PDZD2: variants seen among roughly 807,000 people sequenced by gnomAD.
The protein encoded by PDZD2 is PDZ domain-containing protein 2.
A neutral mutation model predicts 220.7 loss-of-function variants in PDZD2; 90 were observed. That is an observed-to-expected ratio of 0.41 (90% confidence interval 0.34 to 0.49). The LOEUF (loss-of-function observed/expected upper bound fraction) is 0.49. PDZD2 is among the 20% of genes least tolerant of loss of function. PDZD2 has a pLI of 0.28. For synonymous variants in PDZD2, 1,375 were observed against 1,450.5 expected, an observed-to-expected ratio of 0.95 and a Z score of 1.18; for missense variants, 3,174 against 3,608.5, an observed-to-expected ratio of 0.88 and a Z score of 3.08.
At chr5:32,007,077 G>A (rs1243413737) in intron 5 of PDZD2, among the ~76,000 whole-genome samples, 3 of 151,886 alleles carry the variant, frequency 2.0e-5, no homozygotes, top group East Asian at 1.9e-4. Context: ...CACCACGCCC[G>A]GCTAATTTTT....
chr5:31,886,033 G>A (rs1223350147), intron 2 of PDZD2, among the ~76,000 whole-genome samples: 1 of 151,906 alleles, frequency 6.6e-6, no homozygotes, highest in East Asian at 1.9e-4. Context: ...CCAAGTAGCT[G>A]GGATTACAGG....
At chr5:31,679,475 G>T (rs199627158) in intron 1 of PDZD2, among the ~76,000 whole-genome samples, 11 of 151,560 alleles carry the variant, frequency 7.3e-5, no homozygotes. Flanking sequence ...CTGTGTTGTG[G>T]TGTGTTGTGT....
chr5:32,003,134 CCA>C (rs1307607072), intron 5 of PDZD2, among the ~76,000 whole-genome samples: 2 of 16,978 alleles, frequency 1.2e-4, no homozygotes, highest in African/African-American at 1.3e-4. Flanking sequence ...CACACACACA[CCA>C]CACACACACC....
chr5:31,945,123 A>G (rs770437617), intron 2 of PDZD2, among the ~76,000 whole-genome samples: 2 of 152,074 alleles, frequency 1.3e-5, no homozygotes, highest in African/African-American at 2.4e-5. Context: ...CAGGGAGTAA[A>G]AATGTCCCTG....
At chr5:31,704,370 A>G (rs1463238935) in intron 1 of PDZD2, among the ~76,000 whole-genome samples, 1 of 152,218 alleles carries the variant, frequency 6.6e-6, no homozygotes, top group African/African-American at 2.4e-5. Flanking sequence ...GTGTATGTAT[A>G]TATGTAAATA....
intron 1 of PDZD2, chr5:31,747,639 T>G: frequency 6.6e-6 from 1 of 152,322 alleles, no homozygotes; most frequent in East Asian, 1.9e-4. Context: ...GCTTGGGGGC[T>G]CTGGCCAGCT....
intron 1 of PDZD2, among the ~76,000 whole-genome samples, chr5:31,649,135 C>T (rs553454336): frequency 1.9e-4 from 29 of 152,130 alleles, no homozygotes; most frequent in Admixed American, 7.2e-4. Context: ...GCTTTGGCCT[C>T]CCAGAGTTCT....
intron 2 of PDZD2, among the ~76,000 whole-genome samples, chr5:31,803,548 G>A (rs916637818): frequency 2.0e-5 from 3 of 151,996 alleles, no homozygotes; most frequent in African/African-American, 7.2e-5. Context: ...TCTGGCCCTG[G>A]AGTGATTTGA....
chr5:32,064,642 A>G (rs557545167), intron 14 of PDZD2, among the ~76,000 whole-genome samples: 1 of 152,334 alleles, frequency 6.6e-6, no homozygotes, highest in East Asian at 1.9e-4. Context: ...GTTGTATTTA[A>G]GAAAATTTAG....
Position 31,788,144 on chromosome 5 carries a change from G to T in PDZD2, c.-360-10745G>T, listed in dbSNP as rs557118595. On this transcript the variant is annotated intron_variant, in intron 1 of 24. Transcript: ENST00000438447. ...CCAGCACTTTGGGAGGCCAAGGCGG[G>T]TGGATCACCTGAGGTCAGGAGTTCC... Among the ~76,000 whole-genome samples the T allele has an allele frequency of 5.4e-3, 827 of 152,230 alleles. 8 individuals are homozygous for T. The highest frequency in any genetic ancestry group is 8.4e-3 in the Non-Finnish European group (572 of 68,018).
chr5:32,047,825 T>C (rs1239508677), intron 7 of PDZD2, among the ~76,000 whole-genome samples: 2 of 152,192 alleles, frequency 1.3e-5, no homozygotes, highest in African/African-American at 4.8e-5. Flanking sequence ...TGCAATACCG[T>C]GGTTGAATCT....
intron 2 of PDZD2, among the ~76,000 whole-genome samples, chr5:31,837,015 T>TG (rs1756977124): frequency 1.9e-5 from 2 of 103,096 alleles, no homozygotes; most frequent in Admixed American, 1.2e-4. Context: ...GAGACTGTCT[T>TG]AAAAGAAAGA....
chr5:31,760,533 T>C (rs1288658678), intron 1 of PDZD2, among the ~76,000 whole-genome samples: 1 of 152,130 alleles, frequency 6.6e-6, no homozygotes, highest in East Asian at 1.9e-4. Flanking sequence ...TGTAGAGCAA[T>C]AGAAAGGCAG....
At position 31,983,157 on chromosome 5, in the gene PDZD2, A is replaced by T. The variant is rs146815907; in HGVS notation, c.479A>T (p.Tyr160Phe). 4.5e-4 allele frequency: 723 copies of T among 1,611,054 alleles called. No individual in the cohort carries two copies. The African/African-American group carries it at 6.8e-3, about 15-fold the overall frequency. The part of the protein sequence containing the change: ...MVGVDVSGAS[Y>F]LAEQCWNGGF... ...TGGCACCTCTCTGTCTGTTGCAGTT[A>T]CCTGGCTGAGCAGTGCTGGAATGGC... The change falls in exon 3 of 25, where the codon TAC (tyrosine) becomes TTC (phenylalanine). Residue 160 changes from tyrosine to phenylalanine, a missense_variant and splice_region_variant. This residue lies in a region of PDZD2 where 632 missense variants were observed against 708.1 expected (regional missense o/e 0.89). Coordinates refer to ENST00000438447, the MANE Select transcript of PDZD2 (RefSeq NM_178140.4).
intron 2 of PDZD2, among the ~76,000 whole-genome samples, chr5:31,894,975 C>T (rs547439016): frequency 3.9e-5 from 6 of 152,162 alleles, no homozygotes; most frequent in Admixed American, 2.0e-4. Flanking sequence ...CCGCAACCTC[C>T]GCCTCCTGGG....
At chr5:31,923,231 C>T in intron 2 of PDZD2, 1 of 454,010 alleles carries the variant, frequency 2.2e-6, no homozygotes, top group South Asian at 2.1e-5. Context: ...CCATTGCACT[C>T]CAGCCTGGGC....
At chr5:31,776,473 T>TATTG (rs1301257161) in intron 1 of PDZD2, among the ~76,000 whole-genome samples, 2 of 150,816 alleles carry the variant, frequency 1.3e-5, no homozygotes, top group African/African-American at 4.9e-5. Flanking sequence ...TTTATTTATT[T>TATTG]ATTTATTTAT....
intron 1 of PDZD2, among the ~76,000 whole-genome samples, chr5:31,752,701 C>A (rs1580688574): frequency 6.6e-6 from 1 of 152,158 alleles, no homozygotes; most frequent in Non-Finnish European, 1.5e-5. Flanking sequence ...AGGCATGAGC[C>A]ACCATGCTTG....
chr5:31,971,037 A>G (rs1182203048), intron 2 of PDZD2, among the ~76,000 whole-genome samples: 1 of 152,236 alleles, frequency 6.6e-6, no homozygotes, highest in Non-Finnish European at 1.5e-5. Context: ...CCTTCCCCAG[A>G]AAGCTGCTCT....
Sources: allele counts gnomAD v4.1 joint callset (sites outside exome capture counted in the v4.1 genomes callset), GRCh38; gene constraint gnomAD v4.1.1; regional missense constraint gnomAD v4.1.1; transcripts MANE v1.5; gene names NCBI Gene and HGNC (gene_info 2026-07-23, HGNC 2026-07-21).